The following UBE3D variants were observed in gnomAD, a reference collection of about 807,000 sequenced individuals.
The protein encoded by UBE3D is ubiquitin protein ligase E3D.
Under a neutral mutation model 49.6 loss-of-function variants are expected in UBE3D, and 48 were observed. That is an observed-to-expected ratio of 0.97 (90% CI 0.77 to 1.23). UBE3D has a LOEUF of 1.23. Among genes scored for constraint, UBE3D ranks in the 50% most tolerant of loss-of-function variants. The probability of loss-of-function intolerance (pLI) is 0.00; values close to 1 mark genes in which losing one functional copy is unlikely to be tolerated. For missense variants in UBE3D, 452 were observed against 468.4 expected (o/e 0.96, Z 0.32); for synonymous variants, 189 against 174.2 (o/e 1.08, Z -0.67).
Position 82,964,551 on chromosome 6 carries a change from C to T in UBE3D, c.1011-7101G>A, listed in dbSNP as rs1776774477. On this transcript the variant is annotated intron_variant, in intron 8 of 9. Coordinates refer to ENST00000369747, the MANE Select transcript of UBE3D (RefSeq NM_198920.3). ...AGAAGAACCTAAGAAAGCAAAGAGC[C>T]TATTAAAGATATTGAAATATTATGT... Among the ~76,000 whole-genome samples, 3 of 152,082 alleles carry T rather than the reference C, an allele frequency of 2.0e-5. No homozygotes were observed. In the South Asian group the frequency reaches 6.2e-4, roughly 32 times the overall value.
intron 1 of UBE3D, among the ~76,000 whole-genome samples, chr6:83,065,433 A>G (rs1784427842): frequency 6.6e-6 from 1 of 152,172 alleles, no homozygotes; most frequent in Non-Finnish European, 1.5e-5. Flanking sequence ...AATTTCTAAA[A>G]AGCTCCCCAA....
the UBE3D span, among the ~76,000 whole-genome samples, chr6:82,882,295 T>C: frequency 1.3e-5 from 2 of 152,146 alleles, no homozygotes; most frequent in Non-Finnish European, 2.9e-5. Flanking sequence ...AGGGATCATA[T>C]AGCAAAGCAC....
At chr6:82,917,259 C>A (rs143886309) in intron 9 of UBE3D, among the ~76,000 whole-genome samples, 1 of 152,056 alleles carries the variant, frequency 6.6e-6, no homozygotes, top group Non-Finnish European at 1.5e-5. Flanking sequence ...GCAAGACTAG[C>A]GCAAATGTTA....
At chr6:82,964,711 A>G (rs897371891) in intron 8 of UBE3D, among the ~76,000 whole-genome samples, 9 of 152,208 alleles carry the variant, frequency 5.9e-5, no homozygotes, top group African/African-American at 1.9e-4. Flanking sequence ...ACATTCACCT[A>G]TTTAATACAT....
In UBE3D at chr6:82,967,446, T is replaced by C. The variant is rs548004865; in HGVS notation, c.1011-9996A>G. ...ACGAGCATCTCTTAAGATAACTCTT[T>C]AGAGGCACAACCACCTCCCTTCCCC... On this transcript the variant is annotated intron_variant, in intron 8 of 9. Transcript: ENST00000369747. Among the ~76,000 whole-genome samples the C allele has an allele frequency of 6.2e-4, 94 of 152,316 alleles. No homozygotes were observed. In the South Asian group the frequency reaches 0.013, roughly 20 times the overall value.
chr6:82,960,901 G>A (rs917258052), intron 8 of UBE3D, among the ~76,000 whole-genome samples: 4 of 152,024 alleles, frequency 2.6e-5, no homozygotes, highest in Admixed American at 1.3e-4. Context: ...CCCAACTCCT[G>A]CCACCCACAA....
intron 9 of UBE3D, among the ~76,000 whole-genome samples, chr6:82,931,162 C>T (rs1039694935): frequency 1.3e-5 from 2 of 152,200 alleles, no homozygotes; most frequent in African/African-American, 2.4e-5. Flanking sequence ...TGGTGTTAGG[C>T]CTGTGGGTAC....
chr6:83,012,326 C>A (rs1780395753), intron 8 of UBE3D, among the ~76,000 whole-genome samples: 1 of 152,190 alleles, frequency 6.6e-6, no homozygotes, highest in Non-Finnish European at 1.5e-5. Context: ...CACCAAACAG[C>A]TGGCTGATCA....
At position 83,057,908 on chromosome 6, in the gene UBE3D, T is replaced by TACA. The variant is rs1301603423; in HGVS notation, c.189_191dup (p.Val64dup). 9.9e-6 allele frequency: 16 copies of TACA among 1,614,010 alleles called. No homozygotes were observed. Among genetic ancestry groups the TACA allele is most frequent in the African/African-American group, 1.3e-5 (1 of 74,904 alleles). ...ACTGTAGCCCACGGCAAGAGGAAGGTACAAGCCTGACCTCTGCTGGAAGCT... is the reference window on the plus strand; with the variant it reads ...ACTGTAGCCCACGGCAAGAGGAAGGTACAACAAGCCTGACCTCTGCTGGAAGCT... On this transcript the variant is annotated inframe_insertion, in exon 2 of 10. Coordinates refer to ENST00000369747, the MANE Select transcript of UBE3D (RefSeq NM_198920.3).
At chr6:83,049,383 C>T (rs1783304436) in intron 3 of UBE3D, among the ~76,000 whole-genome samples, 1 of 152,126 alleles carries the variant, frequency 6.6e-6, no homozygotes, top group Admixed American at 6.5e-5. Context: ...GCCACAAATC[C>T]TACAAAACTA....
At chr6:83,051,617 G>A (rs923303557) in intron 3 of UBE3D, among the ~76,000 whole-genome samples, 6 of 152,092 alleles carry the variant, frequency 3.9e-5, no homozygotes, top group East Asian at 1.9e-4. Flanking sequence ...TTCAACCAAC[G>A]CCTAAAATAG....
intron 9 of UBE3D, among the ~76,000 whole-genome samples, chr6:82,900,994 T>C (rs1258352204): frequency 6.6e-6 from 1 of 152,182 alleles, no homozygotes; most frequent in Non-Finnish European, 1.5e-5. Flanking sequence ...ACGTGATTTA[T>C]GATTATATGA....
chr6:83,005,864 G>A (rs899241563), intron 8 of UBE3D, among the ~76,000 whole-genome samples: 8 of 152,116 alleles, frequency 5.3e-5, no homozygotes, highest in African/African-American at 1.9e-4. Flanking sequence ...AGGACATCAT[G>A]CTAAATGAAA....
chr6:82,900,687 C>T (rs921949661), intron 9 of UBE3D, among the ~76,000 whole-genome samples: 6 of 152,204 alleles, frequency 3.9e-5, no homozygotes, highest in Non-Finnish European at 8.8e-5. Context: ...CATGGAAACA[C>T]TATGCAGGCA....
intron 3 of UBE3D, among the ~76,000 whole-genome samples, chr6:83,048,079 CAAAAAAAAAAAAAAAA>C (rs35344320): frequency 2.1e-5 from 1 of 48,062 alleles, no homozygotes; most frequent in Non-Finnish European, 3.5e-5. Context: ...GACTCCAGCT[CAAAAAAAAAAAAAAAA>C]AAAAAAAAAA....
chr6:82,952,098 C>A (rs1775842785), intron 9 of UBE3D, among the ~76,000 whole-genome samples: 1 of 152,164 alleles, frequency 6.6e-6, no homozygotes, highest in Admixed American at 6.5e-5. Flanking sequence ...AAGGGGCTGA[C>A]AAGTCATGCC....
intron 8 of UBE3D, among the ~76,000 whole-genome samples, chr6:83,004,068 C>T (rs1395174372): frequency 1.3e-5 from 2 of 152,134 alleles, no homozygotes; most frequent in African/African-American, 2.4e-5. Context: ...AGGCATTGGA[C>T]TTCTAAAGAA....
At chr6:82,893,082 A>G (rs1582257514) in intron 9 of UBE3D, 40 bp from the exon 10 acceptor site, 2 of 1,610,702 alleles carry the variant, frequency 1.2e-6, no homozygotes, top group Non-Finnish European at 8.5e-7. Flanking sequence ...TTACTTCTAT[A>G]ATATGACAAA....
rs56273130 is a variant in UBE3D, at chr6:82,961,991, C to CGTGT, written c.1011-4545_1011-4542dup. Among the ~76,000 whole-genome samples, 337 of 147,718 alleles carry CGTGT rather than the reference C, an allele frequency of 2.3e-3. 1 individual carries two copies. The highest frequency in any genetic ancestry group is 7.1e-3 in the South Asian group (33 of 4,664). ...AAAAGATGCTAATTTATTTTTTATACGTGTGTGTGTGTGTGTGTGTCTGTA... is the reference window on the plus strand; with the variant it reads ...AAAAGATGCTAATTTATTTTTTATACGTGTGTGTGTGTGTGTGTGTGTGTCTGTA... On this transcript the variant is annotated intron_variant, in intron 8 of 9. Transcript: ENST00000369747.
Sources: allele counts gnomAD v4.1 joint callset (sites outside exome capture counted in the v4.1 genomes callset), GRCh38; gene constraint gnomAD v4.1.1; transcripts MANE v1.5; gene names NCBI Gene and HGNC (gene_info 2026-07-23, HGNC 2026-07-21).